Variants in F2 observed in about 807,000 individuals in gnomAD.
The protein encoded by F2 is coagulation factor II, thrombin.
Under a neutral mutation model 81.9 loss-of-function variants are expected in F2, and 34 were observed. The observed-to-expected ratio is 0.42, with a 90% CI of 0.32 to 0.55. The LOEUF is 0.55. Among genes scored for constraint, F2 ranks in the 20% least tolerant of loss-of-function variants. F2 has a pLI of 0.18. For synonymous variants in F2, 296 were observed against 326.4 expected, an observed-to-expected ratio of 0.91 and a Z score of 1.01; for missense variants, 630 against 833.4, an observed-to-expected ratio of 0.76 and a Z score of 3.00.
intron 12 of F2, 110 bp from the exon 13 acceptor site, chr11:46,738,938 A>G (rs1019480900): frequency 6.4e-6 from 7 of 1,088,722 alleles, no homozygotes; most frequent in Non-Finnish European, 9.9e-6. Context: ...AAGTGGGGAC[A>G]GCAAGAATGA....
At chr11:46,725,320 C>T (rs977718510) in intron 6 of F2, among the ~76,000 whole-genome samples, 14 of 152,180 alleles carry the variant, frequency 9.2e-5, no homozygotes, top group Middle Eastern at 3.4e-3. Flanking sequence ...CTGCCCAGCT[C>T]GGCCTCCCAA....
chr11:46,724,713 G>C (rs2064860275), intron 6 of F2, among the ~76,000 whole-genome samples: 1 of 152,056 alleles, frequency 6.6e-6, no homozygotes, highest in African/African-American at 2.4e-5. Flanking sequence ...ACATGGGTTA[G>C]TGTTTGTTCT....
At chr11:46,732,308 A>G (rs1266605904) in intron 12 of F2, among the ~76,000 whole-genome samples, 1 of 152,040 alleles carries the variant, frequency 6.6e-6, no homozygotes, top group Non-Finnish European at 1.5e-5. Flanking sequence ...TTCCTTCTAC[A>G]TTTGTTAGTT....
Position 46,728,157 on chromosome 11 carries a change from G to C in F2, c.1292G>C (p.Arg431Pro), listed in dbSNP as rs121918482. ...DLLVRIGKHS[R>P]TRYERNIEKI... ...CTGGTGCGCATTGGCAAGCACTCCC[G>C]CACCAGGTACAGAACTGGTGGCCCG... Residue 431 changes from arginine to proline, a missense_variant, in exon 10 of 14, where the codon CGC becomes CCC. Physicochemically the swap from Arg to Pro is moderately radical, Grantham distance 103. Transcript: ENST00000311907. This position sits in a 1 kb window ranked among gnomAD's most constrained non-coding sequence, Gnocchi z 5.1. The C allele has an allele frequency of 5.8e-5, 93 of 1,607,598 alleles. No individual in the cohort carries two copies. The highest frequency in any genetic ancestry group is 7.9e-5 in the Non-Finnish European group (93 of 1,177,560).
chr11:46,733,782 C>T (rs989357291), intron 12 of F2, among the ~76,000 whole-genome samples: 1 of 89,744 alleles, frequency 1.1e-5, no homozygotes, highest in East Asian at 4.8e-4. Flanking sequence ...GATTAAGGAC[C>T]TTTTTTTTTT....
At chr11:46,731,912 G>GTTTTTTTTTTTT (rs71042616) in intron 12 of F2, among the ~76,000 whole-genome samples, 1 of 88,156 alleles carries the variant, frequency 1.1e-5, no homozygotes, top group African/African-American at 4.4e-5. Flanking sequence ...ACACTTTGAT[G>GTTTTTTTTTTTT]TTTTTTTTTT....
chr11:46,736,152 G>A (rs909169820), intron 12 of F2, among the ~76,000 whole-genome samples: 3 of 152,042 alleles, frequency 2.0e-5, no homozygotes, highest in Admixed American at 6.5e-5. Context: ...GCAGTGAGCC[G>A]AGATGGTGCC....
At chr11:46,725,813 G>A in intron 6 of F2, 46 bp from the exon 7 acceptor site, 1 of 1,601,426 alleles carries the variant, frequency 6.2e-7, no homozygotes, top group Non-Finnish European at 8.5e-7. Context: ...TCCGGTCCAT[G>A]TGTGGTCTCA....
rs1004918930 is a variant in F2, at chr11:46,725,754, G to A, written c.560-105G>A. On this transcript the variant is annotated intron_variant, in intron 6 of 13. Coordinates refer to ENST00000311907, the MANE Select transcript of F2 (RefSeq NM_000506.5). ...AGCCCAGAGAGGTTAAGTAACCTGA[G>A]GTCACACAGGCAGAAAGCAGCAAGA... 4.6e-6 allele frequency: 6 copies of A among 1,302,820 alleles called. No individual in the cohort carries two copies. In the African/African-American group the frequency reaches 8.7e-5, roughly 19 times the overall value. The allele number at this position is 1,302,820 out of a possible 1,614,324, so 80.7% of individuals were successfully genotyped here. A position where few individuals can be genotyped will look rare whatever the true frequency, so the allele number is the denominator to read the frequency against.
intron 6 of F2, among the ~76,000 whole-genome samples, chr11:46,724,116 C>T (rs1285300226): frequency 1.3e-5 from 2 of 152,200 alleles, no homozygotes; most frequent in Non-Finnish European, 2.9e-5. Context: ...GGGAAGCCCT[C>T]CCTAGCCATT....
In F2 at chr11:46,739,448, G is replaced by C. The variant is rs2064964879; in HGVS notation, c.*40G>C. 1 of 1,612,770 alleles carries C rather than the reference G, an allele frequency of 6.2e-7. No individual in the cohort carries two copies. Among genetic ancestry groups the C allele is most frequent in the African/African-American group, 1.3e-5 (1 of 74,902 alleles). Reference sequence around the variant, plus strand: ...TCTGGGCTCCTGGAACCAATCCCGTGAAAGAATTATTTTTGTGTTTCTAAA... The same window carrying C: ...TCTGGGCTCCTGGAACCAATCCCGTCAAAGAATTATTTTTGTGTTTCTAAA... On this transcript the variant is annotated 3_prime_UTR_variant, in exon 14 of 14. Coordinates refer to ENST00000311907, the MANE Select transcript of F2 (RefSeq NM_000506.5).
In F2 at chr11:46,728,860, G is replaced by T. The variant is rs1172992307; in HGVS notation, c.1472+23G>T. ...CAGGTGGGCCACCAGATGCTTGTTA[G>T]CTGAGGGGCAGAAGCCAAGTTCTGG... On this transcript the variant is annotated intron_variant, in intron 11 of 13. Coordinates refer to ENST00000311907, the MANE Select transcript of F2 (RefSeq NM_000506.5). This position sits in a 1 kb window ranked among gnomAD's most constrained non-coding sequence, Gnocchi z 5.1. 3 of 1,612,686 alleles carry T rather than the reference G, an allele frequency of 1.9e-6. No individual in the cohort carries two copies. The highest frequency in any genetic ancestry group is 2.5e-6 in the Non-Finnish European group (3 of 1,179,944).
chr11:46,728,296 T>TAG lies in F2; in HGVS notation c.1298+133_1298+134insAG, dbSNP rs2064889411. The TAG allele has an allele frequency of 2.8e-6, 3 of 1,072,652 alleles. No individual in the cohort carries two copies. Among genetic ancestry groups the TAG allele is most frequent in the Non-Finnish European group, 4.2e-6 (3 of 722,636 alleles). The allele number at this position is 1,072,652 out of a possible 1,614,324, so 66.4% of individuals were successfully genotyped here. A position where few individuals can be genotyped will look rare whatever the true frequency, so the allele number is the denominator to read the frequency against. ...CAGAATATAACATCCCAGCAGTCTC[T>TAG]GCTGGAAAGCCCATTTGGTCACGTC... On this transcript the variant is annotated intron_variant, in intron 10 of 13. Coordinates refer to ENST00000311907, the MANE Select transcript of F2 (RefSeq NM_000506.5). The surrounding 1 kb of genome is among the most constrained non-coding windows in gnomAD (Gnocchi z 5.1).
chr11:46,738,994 C>T (rs938498587), intron 12 of F2, 54 bp from the exon 13 acceptor site: 22 of 1,590,084 alleles, frequency 1.4e-5, no homozygotes, highest in Middle Eastern at 3.4e-4. Context: ...CGTGAAGGGG[C>T]GTGGCTGGGC....
At position 46,726,222 on chromosome 11, in the gene F2, G is replaced by A. The variant is rs753013765; in HGVS notation, c.874+49G>A. 1 of 1,604,408 alleles carries A rather than the reference G, an allele frequency of 6.2e-7. No homozygotes were observed. The highest frequency in any genetic ancestry group is 1.1e-5 in the South Asian group (1 of 90,866). On this transcript the variant is annotated intron_variant, in intron 7 of 13. Transcript: ENST00000311907. This position sits in a 1 kb window ranked among gnomAD's most constrained non-coding sequence, Gnocchi z 5.9. ...TGAGTTGCAGGGACAAATCCTGGTG[G>A]GAATAACAACAGCCGCTTCTGCTTA...
intron 12 of F2, among the ~76,000 whole-genome samples, chr11:46,733,031 A>T (rs2064922932): frequency 6.6e-6 from 1 of 152,150 alleles, no homozygotes; most frequent in African/African-American, 2.4e-5. Context: ...TATGATGCAT[A>T]TACCAATATC....
At chr11:46,729,336 C>T (rs775361989) in intron 11 of F2, 44 bp from the exon 12 acceptor site, 1 of 1,599,092 alleles carries the variant, frequency 6.3e-7, no homozygotes, top group Admixed American at 1.7e-5. Flanking sequence ...CAGGCGGCTC[C>T]TGTGGGGGTT....
intron 4 of F2, among the ~76,000 whole-genome samples, chr11:46,721,336 G>A (rs1045243152): frequency 2.0e-5 from 3 of 152,144 alleles, no homozygotes; most frequent in African/African-American, 7.2e-5. Flanking sequence ...CACCGCGCCT[G>A]GCCATGAATT....
Position 46,734,679 on chromosome 11 carries a change from C to T in F2, c.1655-4369C>T, listed in dbSNP as rs139694081. On this transcript the variant is annotated intron_variant, in intron 12 of 13. Coordinates refer to ENST00000311907, the MANE Select transcript of F2 (RefSeq NM_000506.5). Reference sequence around the variant, plus strand: ...TACAAAAATTAGCTGGGCGTGGTGGCTGATGCCTGTAGTCCCAGCTACTCA... The same window carrying T: ...TACAAAAATTAGCTGGGCGTGGTGGTTGATGCCTGTAGTCCCAGCTACTCA... Among the ~76,000 whole-genome samples the T allele has an allele frequency of 9.9e-5, 15 of 152,226 alleles. No individual in the cohort carries two copies. The East Asian group carries it at 2.9e-3, about 29-fold the overall frequency.
Sources: allele counts gnomAD v4.1 joint callset (sites outside exome capture counted in the v4.1 genomes callset), GRCh38; gene constraint gnomAD v4.1.1; non-coding constraint Gnocchi (gnomAD v3.1); transcripts MANE v1.5; gene names NCBI Gene and HGNC (gene_info 2026-07-23, HGNC 2026-07-21).